SVIL: variants seen among roughly 807,000 people sequenced by gnomAD.
The protein encoded by SVIL is supervillin.
SVIL carries 101 observed loss-of-function variants against 240.4 expected under a neutral mutation model. That is an observed-to-expected ratio of 0.42 (90% CI 0.36 to 0.50). SVIL has a LOEUF of 0.50. SVIL is among the 20% of genes least tolerant of loss of function. The pLI, the probability that SVIL is intolerant of heterozygous loss-of-function variation, is 0.01. For missense variants in SVIL, 2,512 were observed against 2,818.7 expected (o/e 0.89, Z 2.46); for synonymous variants, 999 against 1,100.0 (o/e 0.91, Z 1.82).
intron 1 of SVIL, among the ~76,000 whole-genome samples, chr10:29,586,108 C>T (rs1956157185): frequency 6.6e-6 from 1 of 152,194 alleles, no homozygotes; most frequent in African/African-American, 2.4e-5. Context: ...TTCAGCCTTA[C>T]AGGTTCCGTT....
chr10:29,460,713 A>T (rs918945572), intron 36 of SVIL, among the ~76,000 whole-genome samples: 2 of 152,170 alleles, frequency 1.3e-5, no homozygotes, highest in Non-Finnish European at 2.9e-5. Flanking sequence ...GTTCAAGACC[A>T]GACTGAGAGA....
Position 29,473,911 on chromosome 10 carries a change from C to T in SVIL, c.5456G>A (p.Arg1819Gln), listed in dbSNP as rs746309637. 12 of 1,613,948 alleles carry T rather than the reference C, an allele frequency of 7.4e-6. No homozygotes were observed. The highest frequency in any genetic ancestry group is 1.7e-4 in the Middle Eastern group (1 of 6,058). The change falls in exon 30 of 38, where the codon CGG becomes CAG. Residue 1819 changes from arginine (R) to glutamine (Q), a missense_variant. Physicochemically the swap from Arg to Gln is conservative, Grantham distance 43 (BLOSUM62 1). Coordinates refer to ENST00000355867, the MANE Select transcript of SVIL (RefSeq NM_021738.3). ...GCCCTTCTCACTCACGGTGGAGTGC[C>T]GGCCTTGCCAGAAGAAGTAGACGCA... ...EKCVYFFWQG[R>Q]HSTVSEKGTS...
rs1332396386 is a variant in SVIL, at chr10:29,484,324, A to C, written c.4955+332T>G. On this transcript the variant is annotated intron_variant, in intron 27 of 37. Coordinates refer to ENST00000355867, the MANE Select transcript of SVIL (RefSeq NM_021738.3). The surrounding 1 kb of genome is among the most constrained non-coding windows in gnomAD (Gnocchi z 4.7). ...AATTCCAGACCCGGGGAAGCCTTTCAGATCCGCATGTAATTTGTTTAAACA... is the reference window on the plus strand; with the variant it reads ...AATTCCAGACCCGGGGAAGCCTTTCCGATCCGCATGTAATTTGTTTAAACA... Among the ~76,000 whole-genome samples the C allele has an allele frequency of 6.6e-6, 1 of 152,204 alleles. No homozygotes were observed. The highest frequency in any genetic ancestry group is 1.5e-5 in the Non-Finnish European group (1 of 68,026).
At chr10:29,691,814 A>G (rs1256790758) in intron 1 of SVIL, among the ~76,000 whole-genome samples, 5 of 152,238 alleles carry the variant, frequency 3.3e-5, no homozygotes. Flanking sequence ...ACTCTGTTAT[A>G]GGTAGACACT....
chr10:29,529,198 A>AG (rs1951172263), intron 12 of SVIL, among the ~76,000 whole-genome samples: 1 of 150,852 alleles, frequency 6.6e-6, no homozygotes, highest in African/African-American at 2.4e-5. Flanking sequence ...AAAAAAAAAA[A>AG]AAAAAGAAAA....
chr10:29,633,140 G>T (rs1243021646), intron 1 of SVIL, among the ~76,000 whole-genome samples: 2 of 151,700 alleles, frequency 1.3e-5, no homozygotes, highest in African/African-American at 4.8e-5. Context: ...GGAGGTTGAG[G>T]CAAGGAGAGT....
intron 17 of SVIL, among the ~76,000 whole-genome samples, chr10:29,501,703 G>T (rs1231769072): frequency 2.0e-5 from 3 of 152,090 alleles, no homozygotes; most frequent in Admixed American, 6.6e-5. Flanking sequence ...AAACGATGAG[G>T]TTCACTTGCC....
intron 1 of SVIL, among the ~76,000 whole-genome samples, chr10:29,604,688 T>G (rs1019186704): frequency 1.3e-5 from 2 of 152,030 alleles, no homozygotes; most frequent in African/African-American, 2.4e-5. Flanking sequence ...CCTTGACATC[T>G]GAAGTAGCTA....
chr10:29,512,625 A>T, intron 17 of SVIL, 110 bp downstream of exon 17: 1 of 1,588,930 alleles, frequency 6.3e-7, no homozygotes, highest in Non-Finnish European at 8.6e-7. Flanking sequence ...AAGGGCAAAA[A>T]TGCACAAATG....
upstream of SVIL, among the ~76,000 whole-genome samples, chr10:29,638,546 A>C (rs1958384832): frequency 6.6e-6 from 1 of 152,182 alleles, no homozygotes; most frequent in African/African-American, 2.4e-5. Flanking sequence ...ACTTCAAATG[A>C]AACTTTCAAA....
intron 1 of SVIL, among the ~76,000 whole-genome samples, chr10:29,702,710 AC>A (rs1962613345): frequency 6.6e-6 from 1 of 152,158 alleles, no homozygotes; most frequent in Admixed American, 6.5e-5. Flanking sequence ...CAGACCTTTG[AC>A]CTTTGATGAC....
intron 3 of SVIL, among the ~76,000 whole-genome samples, chr10:29,640,371 C>T (rs950729767): frequency 6.6e-6 from 1 of 152,168 alleles, no homozygotes; most frequent in Admixed American, 6.5e-5. Flanking sequence ...CTGATCACTC[C>T]TCAGTTGTTT....
intron 17 of SVIL, among the ~76,000 whole-genome samples, chr10:29,511,901 C>T (rs1234079616): frequency 6.6e-6 from 1 of 152,216 alleles, no homozygotes; most frequent in Non-Finnish European, 1.5e-5. Flanking sequence ...TCCACAGATG[C>T]TTAACTTATT....
intron 3 of SVIL, among the ~76,000 whole-genome samples, chr10:29,650,697 G>T (rs1248305742): frequency 6.6e-6 from 1 of 152,074 alleles, no homozygotes; most frequent in Non-Finnish European, 1.5e-5. Context: ...TACCAGTAAT[G>T]TCAACACATT....
chr10:29,478,924 C>CA (rs71020791), intron 29 of SVIL, among the ~76,000 whole-genome samples: 4,820 of 62,958 alleles, frequency 0.077, 516 homozygotes, highest in Non-Finnish European at 0.12. Flanking sequence ...AACCCTGTCT[C>CA]AAAAAAAAAA....
chr10:29,718,425 T>C (rs1328344321), intron 1 of SVIL, among the ~76,000 whole-genome samples: 1 of 152,190 alleles, frequency 6.6e-6, no homozygotes, highest in Non-Finnish European at 1.5e-5. Context: ...ATCTGTTGAA[T>C]ATCTAGGGAC....
chr10:29,471,992 C>T (rs1305133611), intron 30 of SVIL, among the ~76,000 whole-genome samples: 1 of 152,152 alleles, frequency 6.6e-6, no homozygotes, highest in Non-Finnish European at 1.5e-5. Context: ...GCCTGAAGTC[C>T]CAGCTACCCA....
intron 6 of SVIL, among the ~76,000 whole-genome samples, chr10:29,540,445 G>A (rs1338595924): frequency 3.9e-5 from 6 of 152,184 alleles, no homozygotes. Context: ...AACTCTAAGA[G>A]GTCTTCTCGT....
intron 17 of SVIL, among the ~76,000 whole-genome samples, chr10:29,509,810 A>G (rs1188008025): frequency 6.6e-6 from 1 of 152,148 alleles, no homozygotes; most frequent in East Asian, 1.9e-4. Context: ...AGATTGTGCC[A>G]TTGCACTCCA....
Sources: gnomAD v4.1 joint callset for allele counts (sites outside exome capture counted in the v4.1 genomes callset) on GRCh38, gnomAD v4.1.1 for gene constraint, Gnocchi (gnomAD v3.1) non-coding constraint, MANE v1.5 for transcripts, NCBI Gene and HGNC (gene_info 2026-07-23, HGNC 2026-07-21) for gene names.